The following MBNL2 variants were observed in gnomAD, a reference collection of about 807,000 sequenced individuals.
The protein encoded by MBNL2 is muscleblind like splicing regulator 2, also known as muscleblind-like protein 2.
Under a neutral mutation model 41.9 loss-of-function variants are expected in MBNL2, and 17 were observed. The ratio of observed to expected loss-of-function variants is 0.41; its 90% CI spans 0.28 to 0.61. The LOEUF is 0.61. Ranked by LOEUF, MBNL2 falls within the 20% of genes least tolerant of loss-of-function variation. The probability of loss-of-function intolerance (pLI) is 0.35; values close to 1 mark genes in which losing one functional copy is unlikely to be tolerated. For synonymous variants in MBNL2, 195 were observed against 182.9 expected, an observed-to-expected ratio of 1.07 and a Z score of -0.53; for missense variants, 336 against 505.6, an observed-to-expected ratio of 0.66 and a Z score of 3.22.
chr13:97,298,818 G>A (rs775775735), intron 2 of MBNL2, among the ~76,000 whole-genome samples: 8 of 152,160 alleles, frequency 5.3e-5, no homozygotes, highest in Non-Finnish European at 8.8e-5. Context: ...AAGTACTAGA[G>A]GAATACACGG....
intron 2 of MBNL2, among the ~76,000 whole-genome samples, chr13:97,277,237 C>G (rs1375584255): frequency 6.6e-6 from 1 of 152,132 alleles, no homozygotes; most frequent in Non-Finnish European, 1.5e-5. Context: ...GAGTTAACCG[C>G]TAATGCTGGG....
At chr13:97,150,478 T>C in the MBNL2 span, among the ~76,000 whole-genome samples, 3 of 152,226 alleles carry the variant, frequency 2.0e-5, no homozygotes, top group Non-Finnish European at 4.4e-5. Flanking sequence ...AACATGTATT[T>C]TACAAAGGCC....
rs1257768868 is a variant in MBNL2 at position 97,222,400 on chromosome 13, A to T, written c.-736A>T. 1 of 398,666 alleles carries T rather than the reference A, an allele frequency of 2.5e-6. No homozygotes were observed. The highest frequency in any genetic ancestry group is 1.3e-4 in the South Asian group (1 of 7,864). The allele number at this position is 398,666 out of a possible 1,614,324, so 24.7% of individuals were successfully genotyped here. On this transcript the variant is annotated 5_prime_UTR_variant, in exon 1 of 9. Coordinates refer to ENST00000679496, the MANE Select transcript of MBNL2 (RefSeq NM_001382683.1). ...TACGGCAGACGGCTTTCAGAGTACA[A>T]TAAACAGGGAATGAGAACTATTTAC... is the stretch of plus-strand genomic sequence containing the variant.
chr13:97,165,891 G>C, the MBNL2 span, among the ~76,000 whole-genome samples: 3 of 152,336 alleles, frequency 2.0e-5, no homozygotes, highest in South Asian at 6.2e-4. Flanking sequence ...TATATCAAGA[G>C]CCTTGAAGCC....
chr13:97,199,660 G>A, the MBNL2 span, among the ~76,000 whole-genome samples: 7 of 152,304 alleles, frequency 4.6e-5, no homozygotes, highest in Non-Finnish European at 8.8e-5. Flanking sequence ...CCTCTGATCC[G>A]TATCTCATGG....
At chr13:97,319,223 G>A (rs1247016829) in intron 2 of MBNL2, among the ~76,000 whole-genome samples, 2 of 148,842 alleles carry the variant, frequency 1.3e-5, no homozygotes, top group African/African-American at 4.9e-5. Context: ...GGGACACCCG[G>A]CGGGTGTTAG....
At position 97,317,884 on chromosome 13, in the gene MBNL2, CTTCCA is replaced by C. The variant is rs140829348; in HGVS notation, c.175-16388_175-16384del. Among the ~76,000 whole-genome samples the C allele has an allele frequency of 6.6e-4, 100 of 152,312 alleles. 3 individuals are homozygous for C. In the East Asian group the frequency reaches 0.018, roughly 27 times the overall value. On this transcript the variant is annotated intron_variant, in intron 2 of 8. Transcript: ENST00000679496. ...ATTACTTATTACCATGCTTTCTTCCCTTCCATTCATGTGTATATGCATTGCAGATT... is the reference window on the plus strand; with the variant it reads ...ATTACTTATTACCATGCTTTCTTCCCTTCATGTGTATATGCATTGCAGATT...
chr13:97,244,691 A>G (rs1431411637), intron 1 of MBNL2, among the ~76,000 whole-genome samples: 1 of 152,228 alleles, frequency 6.6e-6, no homozygotes, highest in African/African-American at 2.4e-5. Context: ...TGGTCAAAGA[A>G]TCAGACATTT....
chr13:97,146,949 A>G, the MBNL2 span, among the ~76,000 whole-genome samples: 1 of 152,310 alleles, frequency 6.6e-6, no homozygotes, highest in African/African-American at 2.4e-5. Context: ...CTGCTATGCT[A>G]TGGACCACAG....
chr13:97,387,416 C>T (rs1317389099), intron 8 of MBNL2, among the ~76,000 whole-genome samples: 1 of 152,098 alleles, frequency 6.6e-6, no homozygotes, highest in East Asian at 1.9e-4. Flanking sequence ...GCCTCACAGT[C>T]CCCCAGCAAT....
intron 2 of MBNL2, among the ~76,000 whole-genome samples, chr13:97,287,111 C>CA (rs749185371): frequency 6.6e-6 from 1 of 152,230 alleles, no homozygotes; most frequent in Non-Finnish European, 1.5e-5. Flanking sequence ...ATCAGTGCTA[C>CA]AGGCTTTGTA....
At chr13:97,365,199 T>C (rs2063753295) in intron 8 of MBNL2, 28 bp downstream of exon 8, 1 of 1,496,328 alleles carries the variant, frequency 6.7e-7, no homozygotes, top group Non-Finnish European at 9.3e-7. Flanking sequence ...TTATTTGTCT[T>C]TTATATGATG....
chr13:97,203,790 T>C, the MBNL2 span, among the ~76,000 whole-genome samples: 2 of 152,232 alleles, frequency 1.3e-5, no homozygotes, highest in African/African-American at 2.4e-5. Flanking sequence ...CTGTATTTAG[T>C]CTTTAAAAGA....
chr13:97,152,996 A>G, the MBNL2 span, among the ~76,000 whole-genome samples: 1 of 152,156 alleles, frequency 6.6e-6, no homozygotes, highest in Non-Finnish European at 1.5e-5. Context: ...CTCAAAAAAG[A>G]AGAATAAATA....
At position 97,366,328 on chromosome 13, in the gene MBNL2, G is replaced by C. The variant is rs2063836439; in HGVS notation, c.1048+1157G>C. On this transcript the variant is annotated intron_variant, in intron 8 of 8. Transcript: ENST00000679496. The surrounding 1 kb of genome is among the most constrained non-coding windows in gnomAD (Gnocchi z 4.7). ...CCCATGCTTCCTTGCTTTGCATTGTGATTGCATGCCATCTGCTGGTTTAAC... is the reference window on the plus strand; with the variant it reads ...CCCATGCTTCCTTGCTTTGCATTGTCATTGCATGCCATCTGCTGGTTTAAC... 1 of 583,960 alleles carries C rather than the reference G, an allele frequency of 1.7e-6. No homozygotes were observed. Among genetic ancestry groups the C allele is most frequent in the East Asian group, 2.7e-5 (1 of 36,600 alleles). 36.2% of individuals were successfully genotyped at this position (583,960 alleles called of 1,614,324 possible). A position where few individuals can be genotyped will look rare whatever the true frequency, so the allele number is the denominator to read the frequency against.
In MBNL2 at chr13:97,268,256, G is replaced by A. The variant is rs1007596560; in HGVS notation, c.-604-7376G>A. On this transcript the variant is annotated intron_variant, in intron 1 of 8. Coordinates refer to ENST00000679496, the MANE Select transcript of MBNL2 (RefSeq NM_001382683.1). This position sits in a 1 kb window ranked among gnomAD's most constrained non-coding sequence, Gnocchi z 4.6. ...ATTACAGGCGTGCGCCACCATGCAC[G>A]CCCGGCTAAATTTTTTTCTATTTTT... Among the ~76,000 whole-genome samples, 7 of 152,220 alleles carry A rather than the reference G, an allele frequency of 4.6e-5. No individual in the cohort carries two copies. The highest frequency in any genetic ancestry group is 1.9e-4 in the East Asian group (1 of 5,172).
At chr13:97,164,972 A>T in the MBNL2 span, among the ~76,000 whole-genome samples, 1 of 152,202 alleles carries the variant, frequency 6.6e-6, no homozygotes, top group African/African-American at 2.4e-5. Context: ...TGAGAGGCCG[A>T]GGTGGCGGAT....
intron 1 of MBNL2, among the ~76,000 whole-genome samples, chr13:97,272,353 C>G (rs1037182712): frequency 2.0e-5 from 3 of 151,996 alleles, no homozygotes; most frequent in Non-Finnish European, 4.4e-5. Context: ...GGATATTAGA[C>G]CTTTGTCAAA....
At chr13:97,269,291 T>C (rs2050446021) in intron 1 of MBNL2, among the ~76,000 whole-genome samples, 1 of 152,224 alleles carries the variant, frequency 6.6e-6, no homozygotes, top group South Asian at 2.1e-4. Context: ...GCAGAGACCC[T>C]GTTCCCAGTG....
Sources: gnomAD v4.1 joint callset for allele counts (sites outside exome capture counted in the v4.1 genomes callset) on GRCh38, gnomAD v4.1.1 for gene constraint, Gnocchi (gnomAD v3.1) non-coding constraint, MANE v1.5 for transcripts, NCBI Gene and HGNC (gene_info 2026-07-23, HGNC 2026-07-21) for gene names.